Variants in FBXL4 observed in about 807,000 individuals in gnomAD.
FBXL4 encodes F-box/LRR-repeat protein 4.
A neutral mutation model predicts 58.9 loss-of-function variants in FBXL4; 40 were observed. The ratio of observed to expected loss-of-function variants is 0.68; its 90% CI spans 0.53 to 0.88. The LOEUF (loss-of-function observed/expected upper bound fraction) is 0.88, where lower values mean the gene tolerates loss of function less well. FBXL4 is among the 40% of genes least tolerant of loss of function. The pLI is 0.00. For missense variants in FBXL4, 676 were observed against 734.4 expected (o/e 0.92, Z 0.92); for synonymous variants, 263 against 265.5 (o/e 0.99, Z 0.09).
intron 7 of FBXL4, chr6:98,897,084 T>G (rs1771436297): frequency 1.0e-6 from 1 of 983,058 alleles, no homozygotes; most frequent in Non-Finnish European, 1.2e-6. Context: ...CCTATTTTTC[T>G]TCTCAAAGGC....
chr6:98,885,472 T>C lies in FBXL4; in HGVS notation c.1318-4848A>G, dbSNP rs148227632. ...AAATCAGTAGACTGAATAAAGCACA[T>C]TGCCCTACCTAATGTGGGTGGGCCT... On this transcript the variant is annotated intron_variant, in intron 7 of 9. Coordinates refer to ENST00000369244, the MANE Select transcript of FBXL4 (RefSeq NM_001278716.2). Among the ~76,000 whole-genome samples the C allele has an allele frequency of 7.8e-3, 1,187 of 151,944 alleles. 8 individuals are homozygous for C. Among genetic ancestry groups the C allele is most frequent in the Non-Finnish European group, 0.012 (847 of 68,028 alleles).
intron 2 of FBXL4, among the ~76,000 whole-genome samples, chr6:98,934,253 G>A (rs1335765936): frequency 6.6e-6 from 1 of 152,096 alleles, no homozygotes; most frequent in Non-Finnish European, 1.5e-5. Context: ...GAAAAACTAT[G>A]GCTGAAAAAG....
At chr6:98,943,516 T>C (rs570506387) in intron 1 of FBXL4, among the ~76,000 whole-genome samples, 36 of 133,572 alleles carry the variant, frequency 2.7e-4, no homozygotes, top group Non-Finnish European at 4.4e-4. Context: ...GAGGTTGCAG[T>C]GAGCCAAAAT....
At chr6:98,926,102 G>T (rs1772767972) in intron 4 of FBXL4, among the ~76,000 whole-genome samples, 1 of 152,160 alleles carries the variant, frequency 6.6e-6, no homozygotes, top group Non-Finnish European at 1.5e-5. Context: ...CAGGCCTATT[G>T]TGAGTTGTTG....
intron 6 of FBXL4, among the ~76,000 whole-genome samples, chr6:98,900,170 G>A (rs1193066097): frequency 1.3e-5 from 2 of 152,098 alleles, no homozygotes; most frequent in East Asian, 3.9e-4. Context: ...TTATAGTTGG[G>A]GGAAAAATAG....
Position 98,926,756 on chromosome 6 carries a change from A to C in FBXL4, c.233T>G (p.Leu78Trp). Reference sequence around the variant, plus strand: ...TGGGAATACATTTGGTACACCAGCCAAATTCCACATAGTATAGGACATACT... The same window carrying C: ...TGGGAATACATTTGGTACACCAGCCCAATTCCACATAGTATAGGACATACT... ...ENSMSYTMWN[L>W]AGVPNVFPSS... The change falls in exon 4 of 10, where the codon TTG (leucine) becomes TGG (tryptophan). Residue 78 changes from leucine (L) to tryptophan (W), a missense_variant. Leu to Trp is a moderately conservative substitution (Grantham distance 61, BLOSUM62 -2). Coordinates refer to ENST00000369244, the MANE Select transcript of FBXL4 (RefSeq NM_001278716.2). The C allele has an allele frequency of 6.2e-7, 1 of 1,614,230 alleles. No homozygotes were observed. Among genetic ancestry groups the C allele is most frequent in the Non-Finnish European group, 8.5e-7 (1 of 1,180,034 alleles).
Position 98,873,295 on chromosome 6 carries a change from T to C in FBXL4, c.*983A>G, listed in dbSNP as rs1287993143. On this transcript the variant is annotated 3_prime_UTR_variant, in exon 10 of 10. Transcript: ENST00000369244. Reference sequence around the variant, plus strand: ...ATATATAATTATATAATATATAATATATACATGTATATATTAAAAATCATA... The same window carrying C: ...ATATATAATTATATAATATATAATACATACATGTATATATTAAAAATCATA... The C allele has an allele frequency of 1.4e-5, 2 of 147,486 alleles. No individual in the cohort carries two copies. Among genetic ancestry groups the C allele is most frequent in the Non-Finnish European group, 3.0e-5 (2 of 67,104 alleles). 9.1% of individuals were successfully genotyped at this position (147,486 alleles called of 1,614,324 possible).
At chr6:98,937,605 A>G (rs1773269785) in intron 1 of FBXL4, among the ~76,000 whole-genome samples, 1 of 152,116 alleles carries the variant, frequency 6.6e-6, no homozygotes, top group Admixed American at 6.5e-5. Flanking sequence ...CCATTTCAGG[A>G]TACAGGGTGA....
chr6:98,930,747 A>G (rs1772981930), intron 2 of FBXL4, among the ~76,000 whole-genome samples: 1 of 152,218 alleles, frequency 6.6e-6, no homozygotes, highest in Non-Finnish European at 1.5e-5. Flanking sequence ...CCCCGTCTCA[A>G]AAACAGACAG....
chr6:98,940,007 T>A (rs1309444384), intron 1 of FBXL4, among the ~76,000 whole-genome samples: 1 of 152,206 alleles, frequency 6.6e-6, no homozygotes, highest in East Asian at 1.9e-4. Flanking sequence ...CAGTTATGAT[T>A]TAATACTGAA....
intron 7 of FBXL4, chr6:98,896,766 T>C (rs1321718901): frequency 1.1e-6 from 1 of 942,120 alleles, no homozygotes; most frequent in African/African-American, 1.8e-5. Context: ...AATATATTCA[T>C]ACAATGATTT....
At position 98,868,635 on chromosome 6, in the gene FBXL4, A is replaced by C. The variant is rs1241871466; in HGVS notation, c.*5643T>G. 6.6e-6 allele frequency: 1 copy of C among 152,176 alleles called. No individual in the cohort carries two copies. The highest frequency in any genetic ancestry group is 6.5e-5 in the Admixed American group (1 of 15,284). The allele number at this position is 152,176 out of a possible 1,614,324, so 9.4% of individuals were successfully genotyped here. A position where few individuals can be genotyped will look rare whatever the true frequency, so the allele number is the denominator to read the frequency against. On this transcript the variant is annotated 3_prime_UTR_variant, in exon 10 of 10. Coordinates refer to ENST00000369244, the MANE Select transcript of FBXL4 (RefSeq NM_001278716.2). ...GCATTTTTATGTAAATAAAATTAAA[A>C]TATCTCAGTCGTCTGTACAGACAAC... is the stretch of plus-strand genomic sequence containing the variant.
At chr6:98,889,678 C>CAAA (rs34182678) in intron 7 of FBXL4, among the ~76,000 whole-genome samples, 4 of 72,132 alleles carry the variant, frequency 5.5e-5, no homozygotes, top group South Asian at 9.1e-4. Context: ...CACCCTGTCT[C>CAAA]AAAAAAAAAA....
At chr6:98,886,126 C>T (rs1054586947) in intron 7 of FBXL4, among the ~76,000 whole-genome samples, 1 of 152,216 alleles carries the variant, frequency 6.6e-6, no homozygotes, top group African/African-American at 2.4e-5. Flanking sequence ...AGGTTCCTGA[C>T]CCACAGAAAA....
chr6:98,912,326 C>A (rs569834433), intron 5 of FBXL4, among the ~76,000 whole-genome samples: 1 of 152,050 alleles, frequency 6.6e-6, no homozygotes, highest in East Asian at 1.9e-4. Context: ...ATACAGAGAA[C>A]GCCACAAATA....
chr6:98,911,838 C>T (rs1180714532), intron 5 of FBXL4, among the ~76,000 whole-genome samples: 1 of 152,220 alleles, frequency 6.6e-6, no homozygotes, highest in African/African-American at 2.4e-5. Flanking sequence ...ATGACTTTGA[C>T]GACTTGAGAG....
intron 2 of FBXL4, among the ~76,000 whole-genome samples, chr6:98,931,404 ATG>A (rs1350497757): frequency 1.3e-5 from 2 of 152,212 alleles, no homozygotes; most frequent in Non-Finnish European, 2.9e-5. Context: ...CTGTAAATAT[ATG>A]TGTTATATGT....
chr6:98,893,178 C>G (rs1771287842), intron 7 of FBXL4, among the ~76,000 whole-genome samples: 1 of 152,128 alleles, frequency 6.6e-6, no homozygotes, highest in Non-Finnish European at 1.5e-5. Context: ...TGGGACTTAT[C>G]TTAAAGACAC....
In FBXL4 at chr6:98,926,854, G is replaced by A. The variant is rs764057679; in HGVS notation, c.135C>T (p.Ser45=). Residue 45 remains serine (S), a synonymous_variant, in exon 4 of 10, where the codon TCC becomes TCT. Coordinates refer to ENST00000369244, the MANE Select transcript of FBXL4 (RefSeq NM_001278716.2). ...HRAIESNSQT[S]PLNAEVVQYA... ...ACTGGACTACCTCTGCATTGAGAGG[G>A]GAAGTCTGGCTGTTTGATTCTATAG... is the stretch of plus-strand genomic sequence containing the variant. 1.9e-6 allele frequency: 3 copies of A among 1,614,032 alleles called. No homozygotes were observed. Among genetic ancestry groups the A allele is most frequent in the Non-Finnish European group, 1.7e-6 (2 of 1,180,044 alleles).
Sources: allele counts gnomAD v4.1 joint callset (sites outside exome capture counted in the v4.1 genomes callset), GRCh38; gene constraint gnomAD v4.1.1; transcripts MANE v1.5; gene names NCBI Gene and HGNC (gene_info 2026-07-23, HGNC 2026-07-21).